The following PKIG variants were observed in gnomAD, a reference collection of about 807,000 sequenced individuals.
PKIG encodes the protein protein kinase (cAMP-dependent, catalytic) inhibitor gamma.
In PKIG, 1 loss-of-function variant was observed where a neutral mutation model predicts 6.8. The ratio of observed to expected loss-of-function variants is 0.15; its 90% CI spans 0.05 to 0.69. The LOEUF (loss-of-function observed/expected upper bound fraction) is 0.69. Among genes scored for constraint, PKIG ranks in the 30% least tolerant of loss-of-function variants. The pLI is 0.82. For missense variants in PKIG, 77 were observed against 104.0 expected, an observed-to-expected ratio of 0.74 and a Z score of 1.13; for synonymous variants, 39 against 43.0, an observed-to-expected ratio of 0.91 and a Z score of 0.36.
At chr20:44,545,908 T>C (rs891876535) in intron 1 of PKIG, among the ~76,000 whole-genome samples, 13 of 152,126 alleles carry the variant, frequency 8.5e-5, no homozygotes, top group African/African-American at 2.9e-4. Context: ...ATGTACATCA[T>C]GAGTGTAGTT....
At chr20:44,602,127 C>A (rs1291109140) in intron 2 of PKIG, among the ~76,000 whole-genome samples, 1 of 152,216 alleles carries the variant, frequency 6.6e-6, no homozygotes, top group East Asian at 1.9e-4. Flanking sequence ...CACAAGATAC[C>A]AAAACCTCCT....
Position 44,572,035 on chromosome 20 carries a change from G to A in PKIG, c.-240-10550G>A, listed in dbSNP as rs760084786. Among the ~76,000 whole-genome samples, 6 of 152,144 alleles carry A rather than the reference G, an allele frequency of 3.9e-5. No homozygotes were observed. The East Asian group carries it at 5.8e-4, about 15-fold the overall frequency. On this transcript the variant is annotated intron_variant, in intron 1 of 4. Transcript: ENST00000372887. ...TTTGTTTGTTTTGAGACGGAGTCTC[G>A]CTCTGTTGCCCAGGCTGGGGTGCAG... is the stretch of plus-strand genomic sequence containing the variant.
intron 1 of PKIG, among the ~76,000 whole-genome samples, chr20:44,546,690 C>T (rs2064617810): frequency 6.6e-6 from 1 of 151,780 alleles, no homozygotes; most frequent in Non-Finnish European, 1.5e-5. Flanking sequence ...GTAGCTGGGA[C>T]TACAGGCATG....
intron 2 of PKIG, among the ~76,000 whole-genome samples, chr20:44,603,498 C>T (rs966497144): frequency 1.1e-4 from 16 of 152,046 alleles, no homozygotes; most frequent in African/African-American, 3.9e-4. Flanking sequence ...TGCCTTCTAC[C>T]CTGCCACCCA....
intron 1 of PKIG, among the ~76,000 whole-genome samples, chr20:44,562,601 CAAAAA>C (rs1191493549): frequency 3.5e-5 from 2 of 57,906 alleles, no homozygotes; most frequent in Non-Finnish European, 7.1e-5. Context: ...GACCCTGTCT[CAAAAA>C]AAAAAAAAAA....
chr20:44,618,592 T>G lies in PKIG; in HGVS notation c.*228T>G. Reference sequence around the variant, plus strand: ...ACCTTCGCACCGTGCCCAGGTACACTTTCAAGACACTGTAACCACAAGATG... The same window carrying G: ...ACCTTCGCACCGTGCCCAGGTACACGTTCAAGACACTGTAACCACAAGATG... On this transcript the variant is annotated 3_prime_UTR_variant, in exon 4 of 4. Coordinates refer to ENST00000372886, the MANE Select transcript of PKIG (RefSeq NM_001281445.2). 1 of 482,746 alleles carries G rather than the reference T, an allele frequency of 2.1e-6. No homozygotes were observed. The highest frequency in any genetic ancestry group is 3.8e-6 in the Non-Finnish European group (1 of 262,898). 29.9% of individuals were successfully genotyped at this position (482,746 alleles called of 1,614,324 possible).
upstream of PKIG, among the ~76,000 whole-genome samples, chr20:44,579,626 T>TA (rs2064930360): frequency 6.6e-6 from 1 of 152,240 alleles, no homozygotes; most frequent in Admixed American, 6.5e-5. Flanking sequence ...AGTGCACAGC[T>TA]TGGCCCCAGC....
At chr20:44,556,119 A>G (rs544446980) in intron 1 of PKIG, among the ~76,000 whole-genome samples, 99 of 152,314 alleles carry the variant, frequency 6.5e-4, no homozygotes, top group African/African-American at 2.4e-3. Flanking sequence ...GATTACAGGC[A>G]TGAGCCACCA....
chr20:44,596,722 C>T (rs6094000), intron 2 of PKIG, among the ~76,000 whole-genome samples: 4 of 152,132 alleles, frequency 2.6e-5, no homozygotes, highest in African/African-American at 4.8e-5. Flanking sequence ...TGGCAGTGGC[C>T]GTGGACACAC....
rs1354054451 is a variant in PKIG at position 44,614,019 on chromosome 20, C to T, written c.-23-515C>T. 6.6e-6 allele frequency among the ~76,000 whole-genome samples: 1 copy of T among 152,198 alleles called. No individual in the cohort carries two copies. Among genetic ancestry groups the T allele is most frequent in the Admixed American group, 6.5e-5 (1 of 15,284 alleles). On this transcript the variant is annotated intron_variant, in intron 2 of 3. Coordinates refer to ENST00000372886, the MANE Select transcript of PKIG (RefSeq NM_001281445.2). The surrounding 1 kb of genome is among the most constrained non-coding windows in gnomAD (Gnocchi z 4.6). The stretch of plus-strand genomic sequence containing the variant: ...CTGTAGTGCTCTTCCCCTCACTCTT[C>T]ATCTGCATGACGCCTCGTCCTCCTT...
At chr20:44,569,493 GGTTT>G (rs1280097989) in intron 1 of PKIG, among the ~76,000 whole-genome samples, 3 of 152,086 alleles carry the variant, frequency 2.0e-5, no homozygotes, top group African/African-American at 4.8e-5. Flanking sequence ...TTCTGAAAGC[GGTTT>G]GTTTTTTACT....
intron 1 of PKIG, among the ~76,000 whole-genome samples, chr20:44,571,704 G>C (rs561767904): frequency 7.4e-4 from 113 of 152,354 alleles, no homozygotes; most frequent in African/African-American, 2.6e-3. Context: ...GGGTAGACTG[G>C]TTTTTCCAAA....
At chr20:44,590,246 A>T (rs1035493944) in intron 2 of PKIG, among the ~76,000 whole-genome samples, 2 of 152,200 alleles carry the variant, frequency 1.3e-5, no homozygotes, top group East Asian at 3.9e-4. Context: ...TTTGCTGTAA[A>T]GCTGTTTTCA....
Position 44,542,271 on chromosome 20 carries a change from A to C in PKIG, c.-241+10293A>C, listed in dbSNP as rs1389700097. On this transcript the variant is annotated intron_variant, in intron 1 of 4. Coordinates refer to the PKIG transcript ENST00000372887. ...GGTTCCCTTATCTGTAAAATGTCTC[A>C]TGAAGTCATGTGAGAGTTAATTGTT... 2.6e-5 allele frequency among the ~76,000 whole-genome samples: 4 copies of C among 152,256 alleles called. No homozygotes were observed. In the East Asian group the frequency reaches 7.7e-4, roughly 29 times the overall value.
intron 2 of PKIG, among the ~76,000 whole-genome samples, chr20:44,604,168 G>A (rs2065144948): frequency 6.6e-6 from 1 of 152,222 alleles, no homozygotes; most frequent in South Asian, 2.1e-4. Context: ...AGATGGACCT[G>A]AAGAGAGAAA....
intron 2 of PKIG, among the ~76,000 whole-genome samples, chr20:44,590,557 T>G (rs1226415920): frequency 2.0e-5 from 3 of 152,204 alleles, no homozygotes; most frequent in Non-Finnish European, 4.4e-5. Flanking sequence ...GCAGCAGTAT[T>G]TATCAACAAA....
intron 1 of PKIG, among the ~76,000 whole-genome samples, chr20:44,563,166 G>C (rs2064782337): frequency 6.6e-6 from 1 of 152,162 alleles, no homozygotes; most frequent in African/African-American, 2.4e-5. Context: ...TTACACAAAT[G>C]CTTCCTGAGA....
chr20:44,571,063 G>A (rs1167067249), intron 1 of PKIG, among the ~76,000 whole-genome samples: 2 of 151,930 alleles, frequency 1.3e-5, no homozygotes, highest in African/African-American at 4.8e-5. Context: ...GTGAAACCCC[G>A]TCTATACTAA....
chr20:44,615,354 C>A (rs911410693), intron 3 of PKIG, among the ~76,000 whole-genome samples: 2 of 152,232 alleles, frequency 1.3e-5, no homozygotes, highest in Non-Finnish European at 2.9e-5. Flanking sequence ...AATCACATGA[C>A]CCTCATCACT....
Sources: gnomAD v4.1 joint callset for allele counts (sites outside exome capture counted in the v4.1 genomes callset) on GRCh38, gnomAD v4.1.1 for gene constraint, Gnocchi (gnomAD v3.1) non-coding constraint, MANE v1.5 for transcripts, NCBI Gene and HGNC (gene_info 2026-07-23, HGNC 2026-07-21) for gene names.